The following USP13 variants were observed in gnomAD, a reference collection of about 807,000 sequenced individuals.
USP13 encodes the protein ubiquitin carboxyl-terminal hydrolase 13.
In USP13, 68 loss-of-function variants were observed where a neutral mutation model predicts 107.8. That is an observed-to-expected ratio of 0.63 (90% CI 0.52 to 0.77). The LOEUF (loss-of-function observed/expected upper bound fraction) is 0.77, where lower values mean the gene tolerates loss of function less well. USP13 is among the 30% of genes least tolerant of loss of function. The pLI is 0.00. For synonymous variants in USP13, 377 were observed against 389.5 expected, an observed-to-expected ratio of 0.97 and a Z score of 0.38; for missense variants, 945 against 1,093.3, an observed-to-expected ratio of 0.86 and a Z score of 1.91.
chr3:179,657,780 A>AAAG (rs1553785796), intron 1 of USP13, among the ~76,000 whole-genome samples: 3 of 145,644 alleles, frequency 2.1e-5, no homozygotes, highest in East Asian at 2.0e-4. Context: ...AAAAAAAAAA[A>AAAG]AAAAAAGAAA....
chr3:179,767,209 A>T (rs539034028), intron 19 of USP13, among the ~76,000 whole-genome samples: 1 of 152,170 alleles, frequency 6.6e-6, no homozygotes, highest in South Asian at 2.1e-4. Context: ...TATGAAAAAT[A>T]CTCCCATTTG....
At chr3:179,762,684 G>A (rs1338646315) in intron 17 of USP13, among the ~76,000 whole-genome samples, 2 of 151,724 alleles carry the variant, frequency 1.3e-5, no homozygotes, top group African/African-American at 4.8e-5. Flanking sequence ...ACATTTTTTG[G>A]CTTTTATGAA....
At chr3:179,688,998 G>C (rs1243523650) in intron 2 of USP13, among the ~76,000 whole-genome samples, 1 of 152,220 alleles carries the variant, frequency 6.6e-6, no homozygotes, top group East Asian at 1.9e-4. Context: ...TGTAGTAGAA[G>C]CTGTAAAAAC....
At chr3:179,654,930 T>A (rs534412804) in intron 1 of USP13, among the ~76,000 whole-genome samples, 1 of 146,138 alleles carries the variant, frequency 6.8e-6, no homozygotes. Flanking sequence ...TTTTGATTGT[T>A]TACTTTTTTT....
At chr3:179,738,935 G>A (rs971502738) in intron 10 of USP13, among the ~76,000 whole-genome samples, 2 of 152,194 alleles carry the variant, frequency 1.3e-5, no homozygotes, top group Non-Finnish European at 2.9e-5. Context: ...CAAGGGGATT[G>A]GAGATTAGAG....
chr3:179,740,194 G>T, intron 10 of USP13, 53 bp from the exon 11 acceptor site: 1 of 1,606,670 alleles, frequency 6.2e-7, no homozygotes, highest in Non-Finnish European at 8.5e-7. Flanking sequence ...TGCCGCTTAG[G>T]GCTGTTAATT....
intron 8 of USP13, among the ~76,000 whole-genome samples, chr3:179,726,938 A>G (rs1212872364): frequency 6.6e-6 from 1 of 152,000 alleles, no homozygotes; most frequent in Non-Finnish European, 1.5e-5. Context: ...CTCGGCTTCC[A>G]AAAGTACTGG....
intron 8 of USP13, among the ~76,000 whole-genome samples, chr3:179,729,062 A>G (rs535810831): frequency 6.6e-6 from 1 of 152,324 alleles, no homozygotes; most frequent in Admixed American, 6.5e-5. Context: ...ATGATAAGGC[A>G]GACTTTATTC....
At chr3:179,737,100 G>A (rs528563867) in intron 10 of USP13, among the ~76,000 whole-genome samples, 1 of 152,180 alleles carries the variant, frequency 6.6e-6, no homozygotes, top group South Asian at 2.1e-4. Context: ...GCTTGAAGAA[G>A]GGTTATGCAG....
chr3:179,713,611 C>A (rs1271415140), intron 6 of USP13, among the ~76,000 whole-genome samples: 1 of 152,106 alleles, frequency 6.6e-6, no homozygotes, highest in Non-Finnish European at 1.5e-5. Context: ...GTTCAACTCA[C>A]AAGAGACGAA....
At chr3:179,663,958 G>C (rs986184105) in intron 1 of USP13, among the ~76,000 whole-genome samples, 1 of 152,180 alleles carries the variant, frequency 6.6e-6, no homozygotes, top group African/African-American at 2.4e-5. Flanking sequence ...TTAGATATCT[G>C]TTTTCCTTTG....
intron 19 of USP13, among the ~76,000 whole-genome samples, chr3:179,779,248 A>G (rs892743615): frequency 6.6e-6 from 1 of 151,588 alleles, no homozygotes. Context: ...AAAAAAGACT[A>G]ATGGGCCTGG....
intron 6 of USP13, among the ~76,000 whole-genome samples, chr3:179,711,126 AC>A (rs1361597412): frequency 6.6e-6 from 1 of 152,210 alleles, no homozygotes; most frequent in African/African-American, 2.4e-5. Context: ...TAATGTTTTT[AC>A]TTTATGAACT....
chr3:179,761,343 G>GTTGTT (rs1227570444), intron 17 of USP13, 88 bp downstream of exon 17: 6 of 1,500,578 alleles, frequency 4.0e-6, no homozygotes, highest in Non-Finnish European at 5.4e-6. Context: ...CCCTGTGGAT[G>GTTGTT]TATCCCTAGA....
chr3:179,687,659 C>CAAAAAAAAAAAAAA (rs71182509), intron 2 of USP13, among the ~76,000 whole-genome samples: 650 of 18,496 alleles, frequency 0.035, 200 homozygotes, highest in Non-Finnish European at 0.055. Flanking sequence ...AACTCTGTCT[C>CAAAAAAAAAAAAAA]AAAAAAAAAA....
chr3:179,668,440 A>C (rs16830685), intron 1 of USP13, among the ~76,000 whole-genome samples: 15,352 of 152,272 alleles, frequency 0.1, 1,190 homozygotes, highest in East Asian at 0.4. Context: ...ATTTACTTCA[A>C]TGGATCTGCT....
intron 19 of USP13, among the ~76,000 whole-genome samples, chr3:179,781,151 A>G (rs1377038659): frequency 6.6e-6 from 1 of 152,188 alleles, no homozygotes; most frequent in Admixed American, 6.5e-5. Flanking sequence ...TGTTCAGAAA[A>G]CATGAAGCCT....
At chr3:179,691,025 C>T (rs552624650) in intron 3 of USP13, among the ~76,000 whole-genome samples, 6 of 151,848 alleles carry the variant, frequency 4.0e-5, no homozygotes, top group East Asian at 1.9e-4. Flanking sequence ...AAAAATTAGC[C>T]GGGTATAGTG....
At chr3:179,734,309 G>A (rs1381687335) in intron 10 of USP13, among the ~76,000 whole-genome samples, 3 of 152,064 alleles carry the variant, frequency 2.0e-5, no homozygotes, top group African/African-American at 7.2e-5. Context: ...CTATAAAAGG[G>A]CATTTTTTTC....
Sources: gnomAD v4.1 joint callset for allele counts (sites outside exome capture counted in the v4.1 genomes callset) on GRCh38, gnomAD v4.1.1 for gene constraint, MANE v1.5 for transcripts, NCBI Gene and HGNC (gene_info 2026-07-23, HGNC 2026-07-21) for gene names.